Variants in TMEM132D observed in about 807,000 individuals in gnomAD.
TMEM132D encodes transmembrane protein 132D, also known as mature OL transmembrane protein.
A neutral mutation model predicts 62.3 loss-of-function variants in TMEM132D; 21 were observed. That is an observed-to-expected ratio of 0.34 (90% confidence interval 0.24 to 0.49). The LOEUF (loss-of-function observed/expected upper bound fraction) is 0.49, where lower values mean the gene tolerates loss of function less well. Ranked by LOEUF, TMEM132D falls within the 20% of genes least tolerant of loss-of-function variation. The pLI is 0.99. For synonymous variants in TMEM132D, 621 were observed against 575.6 expected (o/e 1.08, Z -1.13); for missense variants, 1,346 against 1,402.8 (o/e 0.96, Z 0.65).
chr12:129,723,826 G>A (rs1868931520), intron 1 of TMEM132D, among the ~76,000 whole-genome samples: 1 of 152,236 alleles, frequency 6.6e-6, no homozygotes, highest in African/African-American at 2.4e-5. Context: ...ATCCCTTGAT[G>A]ACAAAGGTGG....
intron 4 of TMEM132D, among the ~76,000 whole-genome samples, chr12:129,303,975 T>G (rs978204082): frequency 3.9e-5 from 6 of 152,198 alleles, no homozygotes; most frequent in African/African-American, 1.4e-4. Context: ...GTGTTCTGCT[T>G]GCGCCCTCGA....
At chr12:129,546,798 C>T (rs1423990187) in intron 2 of TMEM132D, among the ~76,000 whole-genome samples, 1 of 149,188 alleles carries the variant, frequency 6.7e-6, no homozygotes, top group Non-Finnish European at 1.5e-5. Context: ...GATACTCCGT[C>T]TCAAAAAAAA....
chr12:129,521,003 C>T (rs1048131269), intron 3 of TMEM132D, among the ~76,000 whole-genome samples: 12 of 152,204 alleles, frequency 7.9e-5, no homozygotes, highest in African/African-American at 2.4e-4. Context: ...AGACAAAAAA[C>T]ACCCAGTGGC....
intron 4 of TMEM132D, among the ~76,000 whole-genome samples, chr12:129,233,885 T>C (rs947688396): frequency 6.6e-6 from 1 of 152,148 alleles, no homozygotes; most frequent in African/African-American, 2.4e-5. Flanking sequence ...AAGTAAAGTA[T>C]ATATTTTTTG....
intron 4 of TMEM132D, among the ~76,000 whole-genome samples, chr12:129,282,946 A>G (rs1215192514): frequency 6.6e-6 from 1 of 152,176 alleles, no homozygotes; most frequent in East Asian, 1.9e-4. Context: ...CTTTCTGGTC[A>G]TCTGTTCCAG....
At chr12:129,343,793 C>G (rs538008840) in intron 3 of TMEM132D, among the ~76,000 whole-genome samples, 32 of 151,768 alleles carry the variant, frequency 2.1e-4, no homozygotes, top group African/African-American at 6.8e-4. Context: ...ACAAATGAGC[C>G]GGGCATGGTG....
chr12:129,255,382 T>C (rs1880374110), intron 4 of TMEM132D, among the ~76,000 whole-genome samples: 1 of 152,222 alleles, frequency 6.6e-6, no homozygotes, highest in Non-Finnish European at 1.5e-5. Flanking sequence ...CTTTTACTGA[T>C]GTGTTCACTC....
chr12:129,310,193 G>A (rs1423040763), intron 4 of TMEM132D, among the ~76,000 whole-genome samples: 7 of 152,212 alleles, frequency 4.6e-5, no homozygotes, highest in Non-Finnish European at 1.5e-5. Context: ...CTACAGGCTA[G>A]TGGTGGCTGT....
intron 1 of TMEM132D, among the ~76,000 whole-genome samples, chr12:129,754,965 C>G (rs1842356805): frequency 6.6e-6 from 1 of 152,090 alleles, no homozygotes; most frequent in South Asian, 2.1e-4. Context: ...AGGCATTTTC[C>G]TATAGCAATA....
At chr12:129,300,166 A>G (rs1881676341) in intron 4 of TMEM132D, among the ~76,000 whole-genome samples, 1 of 152,224 alleles carries the variant, frequency 6.6e-6, no homozygotes, top group Non-Finnish European at 1.5e-5. Context: ...GATGGAGAAT[A>G]CTTGAGCCAG....
At chr12:129,768,913 T>C (rs907922407) in intron 1 of TMEM132D, among the ~76,000 whole-genome samples, 3 of 152,234 alleles carry the variant, frequency 2.0e-5, no homozygotes, top group African/African-American at 7.2e-5. Flanking sequence ...TTGCACCTGA[T>C]GTTGGCAGTT....
chr12:129,420,542 C>T (rs983451954), intron 3 of TMEM132D, among the ~76,000 whole-genome samples: 2 of 152,088 alleles, frequency 1.3e-5, no homozygotes, highest in Non-Finnish European at 2.9e-5. Flanking sequence ...ACAGCCGCAA[C>T]AGGCAAAAGG....
At position 129,113,816 on chromosome 12, in the gene TMEM132D, G is replaced by A. The variant is rs190622851; in HGVS notation, c.1444-29114C>T. 1.3e-4 allele frequency among the ~76,000 whole-genome samples: 20 copies of A among 152,156 alleles called. 1 individual carries two copies. The highest frequency in any genetic ancestry group is 3.9e-4 in the African/African-American group (16 of 41,494). ...GAAGGAGAGCAATACATGGCCTGGGGCATTCTTGGCTCTGACATTCCAAAG... is the reference window on the plus strand; with the variant it reads ...GAAGGAGAGCAATACATGGCCTGGGACATTCTTGGCTCTGACATTCCAAAG... On this transcript the variant is annotated intron_variant, in intron 5 of 8. Coordinates refer to ENST00000422113, the MANE Select transcript of TMEM132D (RefSeq NM_133448.3).
At position 129,682,728 on chromosome 12, in the gene TMEM132D, G is replaced by A. The variant is rs369887454; in HGVS notation, c.968+17082C>T. ...CAAAGTATCAGCCGGGCGTGGTGGC[G>A]GGTGCCTGTAGTCCCAGCTACTCGG... On this transcript the variant is annotated intron_variant, in intron 2 of 8. Coordinates refer to ENST00000422113, the MANE Select transcript of TMEM132D (RefSeq NM_133448.3). 2.2e-3 allele frequency among the ~76,000 whole-genome samples: 332 copies of A among 151,750 alleles called. 2 individuals carry two copies. The highest frequency in any genetic ancestry group is 6.3e-3 in the African/African-American group (260 of 41,352).
At chr12:129,683,152 T>A (rs1385350284) in intron 2 of TMEM132D, 1 of 151,686 alleles carries the variant, frequency 6.6e-6, no homozygotes, top group African/African-American at 2.4e-5. Context: ...AAAAAAGGAA[T>A]CTCGCAGTAT....
In TMEM132D at chr12:129,317,116, TTA is replaced by T. The variant is rs138019829; in HGVS notation, c.1299+20516_1299+20517del. 8.0e-3 allele frequency among the ~76,000 whole-genome samples: 1,212 copies of T among 152,316 alleles called. 21 individuals carry two copies. The highest frequency in any genetic ancestry group is 0.028 in the African/African-American group (1,161 of 41,558). ...GTTTTTAGTGGAGCATTTAGGACAT[TTA>T]TATTCAATGTTAGCATTGAAATGTG... On this transcript the variant is annotated intron_variant, in intron 4 of 8. Coordinates refer to ENST00000422113, the MANE Select transcript of TMEM132D (RefSeq NM_133448.3).
At chr12:129,651,744 C>T (rs1243063488) in intron 2 of TMEM132D, among the ~76,000 whole-genome samples, 1 of 152,150 alleles carries the variant, frequency 6.6e-6, no homozygotes, top group Admixed American at 6.5e-5. Flanking sequence ...CATTCTTTCC[C>T]TGCTATCCTG....
intron 1 of TMEM132D, among the ~76,000 whole-genome samples, chr12:129,709,016 C>A (rs938316547): frequency 6.6e-6 from 1 of 152,144 alleles, no homozygotes; most frequent in African/African-American, 2.4e-5. Flanking sequence ...GGACATCAGG[C>A]GCTATTACAC....
At chr12:129,757,993 C>T (rs1191620211) in intron 1 of TMEM132D, among the ~76,000 whole-genome samples, 1 of 152,194 alleles carries the variant, frequency 6.6e-6, no homozygotes, top group African/African-American at 2.4e-5. Flanking sequence ...ACCTCCGCCT[C>T]CTGGGTTCAA....
Sources: allele counts gnomAD v4.1 joint callset (sites outside exome capture counted in the v4.1 genomes callset), GRCh38; gene constraint gnomAD v4.1.1; transcripts MANE v1.5; gene names NCBI Gene and HGNC (gene_info 2026-07-23, HGNC 2026-07-21).